Variants in TBXAS1 observed in about 807,000 individuals in gnomAD.
The protein encoded by TBXAS1 is thromboxane-A synthase.
Under a neutral mutation model 60.7 loss-of-function variants are expected in TBXAS1, and 48 were observed. The observed-to-expected ratio is 0.79, with a 90% CI of 0.63 to 1.01. The LOEUF (loss-of-function observed/expected upper bound fraction) is 1.01. Among genes scored for constraint, TBXAS1 ranks in the 50% least tolerant of loss-of-function variants. TBXAS1 has a pLI of 0.00. For missense variants in TBXAS1, 685 were observed against 686.3 expected, an observed-to-expected ratio of 1.00 and a Z score of 0.02; for synonymous variants, 287 against 269.7, an observed-to-expected ratio of 1.06 and a Z score of -0.63.
intron 4 of TBXAS1, among the ~76,000 whole-genome samples, chr7:139,823,359 A>G (rs1019416731): frequency 3.9e-5 from 6 of 151,980 alleles, no homozygotes; most frequent in Admixed American, 2.0e-4. Context: ...TGATTATTCA[A>G]TAAGTGTTTT....
At chr7:139,977,453 C>CCA (rs1256738106) in intron 9 of TBXAS1, among the ~76,000 whole-genome samples, 1 of 152,096 alleles carries the variant, frequency 6.6e-6, no homozygotes, top group East Asian at 1.9e-4. Context: ...CAGTTTCCTC[C>CCA]CACAACACAA....
At chr7:139,908,641 G>C (rs1272969361) in intron 3 of TBXAS1, among the ~76,000 whole-genome samples, 1 of 152,038 alleles carries the variant, frequency 6.6e-6, no homozygotes, top group South Asian at 2.1e-4. Context: ...ATTGTCTTAA[G>C]TATATCTTCT....
chr7:139,949,730 A>G (rs1212454241), intron 5 of TBXAS1, among the ~76,000 whole-genome samples: 1 of 152,226 alleles, frequency 6.6e-6, no homozygotes, highest in African/African-American at 2.4e-5. Flanking sequence ...ACTTCCAGAT[A>G]GGTAGATGAG....
At chr7:140,007,735 C>A (rs1185778927) in intron 10 of TBXAS1, among the ~76,000 whole-genome samples, 1 of 152,180 alleles carries the variant, frequency 6.6e-6, no homozygotes, top group Non-Finnish European at 1.5e-5. Flanking sequence ...CCCCTCAAGA[C>A]GTCTGTGTTG....
At chr7:139,908,391 T>G (rs1805269491) in intron 3 of TBXAS1, among the ~76,000 whole-genome samples, 1 of 152,140 alleles carries the variant, frequency 6.6e-6, no homozygotes, top group Non-Finnish European at 1.5e-5. Context: ...GTGTATTTGT[T>G]CTCTTTTATT....
At chr7:139,951,862 AGAAGGAAGGAAGGAAG>A (rs1441311998) in intron 5 of TBXAS1, among the ~76,000 whole-genome samples, 1 of 129,002 alleles carries the variant, frequency 7.8e-6, no homozygotes, top group Admixed American at 8.9e-5. Flanking sequence ...AAGGAAGGAA[AGAAGGAAGGAAGGAAG>A]GAAAGAAGGA....
rs901353674 is a variant in TBXAS1, at chr7:139,972,063, G to A, written c.1134+9830G>A. On this transcript the variant is annotated intron_variant, in intron 9 of 12. Coordinates refer to ENST00000448866, the MANE Select transcript of TBXAS1 (RefSeq NM_001061.7). ...GCAGGGTGAAGAGCAGGACAGACTT[G>A]CAGGTGTTTTTTTCTGGGCTGCCTG... 2.6e-5 allele frequency among the ~76,000 whole-genome samples: 4 copies of A among 152,276 alleles called. No homozygotes were observed. In the East Asian group the frequency reaches 7.7e-4, roughly 29 times the overall value.
At chr7:139,938,410 T>C (rs910997533) in intron 5 of TBXAS1, among the ~76,000 whole-genome samples, 1 of 152,138 alleles carries the variant, frequency 6.6e-6, no homozygotes, top group Non-Finnish European at 1.5e-5. Flanking sequence ...AAAGCCAGTA[T>C]TGGGAACCAC....
At chr7:139,938,397 C>T (rs925068912) in intron 5 of TBXAS1, among the ~76,000 whole-genome samples, 3 of 152,066 alleles carry the variant, frequency 2.0e-5, no homozygotes, top group South Asian at 2.1e-4. Flanking sequence ...GTGATTGTCA[C>T]GTAAAGCCAG....
intron 9 of TBXAS1, among the ~76,000 whole-genome samples, chr7:140,003,899 C>T (rs1046421788): frequency 3.9e-5 from 6 of 152,232 alleles, no homozygotes; most frequent in South Asian, 2.1e-4. Flanking sequence ...ATGCCACCCA[C>T]AGGGTTACCT....
chr7:139,977,797 A>G (rs1811671420), intron 9 of TBXAS1, among the ~76,000 whole-genome samples: 1 of 152,210 alleles, frequency 6.6e-6, no homozygotes, highest in African/African-American at 2.4e-5. Context: ...CACCACCACC[A>G]CCATCGTAAC....
At chr7:139,938,091 T>C (rs1428193760) in intron 5 of TBXAS1, among the ~76,000 whole-genome samples, 1 of 152,234 alleles carries the variant, frequency 6.6e-6, no homozygotes, top group African/African-American at 2.4e-5. Context: ...ATGGGCTTGC[T>C]ATGCTAATAC....
At chr7:139,984,835 G>A (rs1812299421) in intron 9 of TBXAS1, among the ~76,000 whole-genome samples, 2 of 126,554 alleles carry the variant, frequency 1.6e-5, no homozygotes, top group Non-Finnish European at 3.3e-5. Context: ...GAAAGAAAGA[G>A]GAAGGAAGGA....
At chr7:139,795,842 A>C (rs943523713) in intron 4 of TBXAS1, among the ~76,000 whole-genome samples, 3 of 150,996 alleles carry the variant, frequency 2.0e-5, no homozygotes, top group African/African-American at 7.3e-5. Flanking sequence ...CCCTACTACC[A>C]CCCTTCTGTT....
At chr7:139,984,321 C>CT (rs145185477) in intron 9 of TBXAS1, among the ~76,000 whole-genome samples, 1,954 of 152,032 alleles carry the variant, frequency 0.013, 43 homozygotes, top group African/African-American at 0.044. Flanking sequence ...CCTATTATTC[C>CT]TTTTTTACAG....
At chr7:139,992,616 T>C (rs1812998970) in intron 9 of TBXAS1, among the ~76,000 whole-genome samples, 1 of 152,238 alleles carries the variant, frequency 6.6e-6, no homozygotes, top group Admixed American at 6.5e-5. Context: ...GAGAGAGGCC[T>C]GGTTTCCATC....
intron 4 of TBXAS1, among the ~76,000 whole-genome samples, chr7:139,787,822 C>G (rs1797246496): frequency 6.6e-6 from 1 of 152,144 alleles, no homozygotes; most frequent in Non-Finnish European, 1.5e-5. Flanking sequence ...CTGGTGAAGC[C>G]TGGGATTGCC....
chr7:140,019,987 T>G, intron 12 of TBXAS1, 38 bp from the exon 13 acceptor site: 1 of 1,593,512 alleles, frequency 6.3e-7, no homozygotes, highest in Non-Finnish European at 8.6e-7. Flanking sequence ...GAGATGCTAC[T>G]ATCTCTTTGA....
chr7:139,780,634 G>A (rs1438813347), intron 1 of TBXAS1: 1 of 154,384 alleles, frequency 6.5e-6, no homozygotes, highest in Non-Finnish European at 1.5e-5. Context: ...TAGAGAGAGA[G>A]TTTTATATAG....
Sources: allele counts gnomAD v4.1 joint callset (sites outside exome capture counted in the v4.1 genomes callset), GRCh38; gene constraint gnomAD v4.1.1; transcripts MANE v1.5; gene names NCBI Gene and HGNC (gene_info 2026-07-23, HGNC 2026-07-21).